The following RYR3 variants were observed in gnomAD, a reference collection of about 807,000 sequenced individuals.
The protein encoded by RYR3 is brain ryanodine receptor-calcium release channel.
In RYR3, 207 loss-of-function variants were observed where a neutral mutation model predicts 584.3. The observed-to-expected ratio is 0.35, with a 90% CI of 0.32 to 0.40. The LOEUF is 0.40. Ranked by LOEUF, RYR3 falls within the 10% of genes least tolerant of loss-of-function variation. The pLI is 1.00. For synonymous variants in RYR3, 2,416 were observed against 2,248.5 expected (o/e 1.07, Z -2.11); for missense variants, 5,616 against 6,089.2 (o/e 0.92, Z 2.59).
At chr15:33,369,911 T>C (rs1254998629) in intron 1 of RYR3, among the ~76,000 whole-genome samples, 1 of 152,238 alleles carries the variant, frequency 6.6e-6, no homozygotes, top group Non-Finnish European at 1.5e-5. Context: ...GCTTAGATCA[T>C]GGACAGTATC....
intron 1 of RYR3, among the ~76,000 whole-genome samples, chr15:33,443,629 GTAA>G (rs1278074624): frequency 6.6e-6 from 1 of 152,136 alleles, no homozygotes; most frequent in African/African-American, 2.4e-5. Flanking sequence ...GTTCAGAGTA[GTAA>G]TTATCAGGTT....
At chr15:33,518,658 C>G (rs954965964) in intron 3 of RYR3, among the ~76,000 whole-genome samples, 1 of 152,204 alleles carries the variant, frequency 6.6e-6, no homozygotes, top group Non-Finnish European at 1.5e-5. Context: ...GGTGCTCGCT[C>G]TGTCCGGGTC....
intron 51 of RYR3, 50 bp from the exon 52 acceptor site, chr15:33,742,316 T>G (rs571010681): frequency 8.6e-7 from 1 of 1,165,672 alleles, no homozygotes; most frequent in South Asian, 1.2e-5. Context: ...TTCTACTATG[T>G]CTGGCTGAAG....
At chr15:33,849,065 T>G (rs890251876) in intron 94 of RYR3, 1 of 152,396 alleles carries the variant, frequency 6.6e-6, no homozygotes, top group Non-Finnish European at 1.5e-5. Context: ...CTCGATCTCC[T>G]GATCTGGTGA....
At chr15:33,398,484 C>T (rs17817138) in intron 1 of RYR3, among the ~76,000 whole-genome samples, 34,038 of 152,152 alleles carry the variant, frequency 0.22, 4,688 homozygotes, top group Non-Finnish European at 0.3. Flanking sequence ...GATTAGGTCA[C>T]AGTGAATTTT....
intron 6 of RYR3, among the ~76,000 whole-genome samples, chr15:33,540,573 T>C (rs1444753719): frequency 6.6e-6 from 1 of 152,196 alleles, no homozygotes; most frequent in African/African-American, 2.4e-5. Context: ...TCAACACATG[T>C]CTGCCATCTC....
chr15:33,427,118 G>A (rs995579062), intron 1 of RYR3, among the ~76,000 whole-genome samples: 1 of 152,220 alleles, frequency 6.6e-6, no homozygotes, highest in African/African-American at 2.4e-5. Context: ...CAGCTGGAGA[G>A]GCCTCTGATG....
At position 33,435,803 on chromosome 15, in the gene RYR3, G is replaced by GAGC. The variant is rs531937828; in HGVS notation, c.52-37605_52-37603dup. On this transcript the variant is annotated intron_variant, in intron 1 of 103. Coordinates refer to ENST00000634891, the MANE Select transcript of RYR3 (RefSeq NM_001036.6). Reference sequence around the variant, plus strand: ...TAAAGGTGGTGTGGACCCAAAGAGTGAGCAGCAGCAGCAAGATTTATTATG... The same window carrying GAGC: ...TAAAGGTGGTGTGGACCCAAAGAGTGAGCAGCAGCAGCAGCAAGATTTATTATG... Among the ~76,000 whole-genome samples the GAGC allele has an allele frequency of 6.7e-3, 1,018 of 152,274 alleles. 11 individuals carry two copies. The highest frequency in any genetic ancestry group is 0.024 in the African/African-American group (982 of 41,544).
intron 1 of RYR3, among the ~76,000 whole-genome samples, chr15:33,419,679 A>G (rs771293100): frequency 2.0e-5 from 3 of 152,108 alleles, no homozygotes; most frequent in Non-Finnish European, 2.9e-5. Flanking sequence ...CTTTATCTCT[A>G]AAACTTTGCA....
intron 85 of RYR3, 173 bp from the exon 86 acceptor site, chr15:33,830,790 C>T: frequency 1.8e-6 from 1 of 542,184 alleles, no homozygotes; most frequent in East Asian, 3.2e-5. Context: ...GATATTTGTG[C>T]ATGAAAGATC....
chr15:33,369,786 G>A (rs1239312590), intron 1 of RYR3, among the ~76,000 whole-genome samples: 1 of 152,210 alleles, frequency 6.6e-6, no homozygotes, highest in African/African-American at 2.4e-5. Flanking sequence ...GAGGAAGTAA[G>A]TTGATAGATG....
At chr15:33,796,109 TTTTTG>T (rs1041299694) in intron 67 of RYR3, among the ~76,000 whole-genome samples, 3 of 151,492 alleles carry the variant, frequency 2.0e-5, no homozygotes, top group African/African-American at 2.4e-5. Context: ...CATTTGTCGT[TTTTTG>T]TTTTGTTTTG....
intron 47 of RYR3, among the ~76,000 whole-genome samples, 192 bp downstream of exon 47, chr15:33,729,218 T>C (rs1224114344): frequency 6.6e-6 from 1 of 152,138 alleles, no homozygotes; most frequent in Non-Finnish European, 1.5e-5. Flanking sequence ...TATAGGTCAA[T>C]TTGACCCCAA....
rs567835477 is a variant in RYR3 at position 33,861,014 on chromosome 15, G to C, written c.14365-64G>C. The C allele has an allele frequency of 8.1e-4, 983 of 1,216,230 alleles. 4 individuals are homozygous for C. Among genetic ancestry groups the C allele is most frequent in the Middle Eastern group, 3.4e-3 (18 of 5,320 alleles). 75.3% of individuals were successfully genotyped at this position (1,216,230 alleles called of 1,614,324 possible). A position where few individuals can be genotyped will look rare whatever the true frequency, so the allele number is the denominator to read the frequency against. ...TTATCCTTCAATTCGATAGAATCAT[G>C]ACAGTTTTCTCTCCTGCCTATATTA... On this transcript the variant is annotated intron_variant, in intron 101 of 103. Transcript: ENST00000634891.
chr15:33,716,207 A>G (rs2067485299), intron 43 of RYR3, among the ~76,000 whole-genome samples: 2 of 152,354 alleles, frequency 1.3e-5, no homozygotes, highest in South Asian at 2.1e-4. Flanking sequence ...TGCAGAACCA[A>G]TGAGCCAATT....
At chr15:33,839,821 G>C (rs577387932) in intron 89 of RYR3, 1 of 152,122 alleles carries the variant, frequency 6.6e-6, no homozygotes, top group Admixed American at 6.5e-5. Flanking sequence ...ACGCTGGTTC[G>C]AAGATTCAGG....
intron 18 of RYR3, among the ~76,000 whole-genome samples, chr15:33,610,074 T>C (rs1430137976): frequency 6.6e-6 from 1 of 152,238 alleles, no homozygotes; most frequent in Non-Finnish European, 1.5e-5. Context: ...CAATATGCAT[T>C]GAGTACATTA....
intron 37 of RYR3, among the ~76,000 whole-genome samples, chr15:33,669,875 T>G (rs1342846163): frequency 1.5e-3 from 49 of 33,388 alleles, no homozygotes; most frequent in Admixed American, 7.5e-3. Flanking sequence ...TGTGTGGGTG[T>G]GTGTGGTGTG....
chr15:33,419,978 G>T (rs564925127), intron 1 of RYR3, among the ~76,000 whole-genome samples: 1 of 152,182 alleles, frequency 6.6e-6, no homozygotes, highest in Non-Finnish European at 1.5e-5. Context: ...TGCAGCTGAA[G>T]TACAACACAG....
Sources: allele counts gnomAD v4.1 joint callset (sites outside exome capture counted in the v4.1 genomes callset), GRCh38; gene constraint gnomAD v4.1.1; transcripts MANE v1.5; gene names NCBI Gene and HGNC (gene_info 2026-07-23, HGNC 2026-07-21).